SH3BGRL: variants seen among roughly 807,000 people sequenced by gnomAD.
SH3BGRL encodes the protein adapter SH3BGRL.
In SH3BGRL, 7 loss-of-function variants were observed where a neutral mutation model predicts 9.8. That is an observed-to-expected ratio of 0.72 (90% CI 0.41 to 1.35). The LOEUF is 1.35. Among genes scored for constraint, SH3BGRL ranks in the 40% most tolerant of loss-of-function variants. The pLI, the probability that SH3BGRL is intolerant of heterozygous loss-of-function variation, is 0.01. For synonymous variants in SH3BGRL, 36 were observed against 29.1 expected, an observed-to-expected ratio of 1.24 and a Z score of -0.76; for missense variants, 73 against 84.4, an observed-to-expected ratio of 0.86 and a Z score of 0.53.
chrX:81,222,204 G>A (rs1036986049), intron 1 of SH3BGRL, among the ~76,000 whole-genome samples: 2 of 110,620 alleles, frequency 1.8e-5, no homozygotes, highest in Non-Finnish European at 3.8e-5. Context: ...TAAGTTTTAG[G>A]GTACATGTGC....
At chrX:81,280,943 A>G (rs1275726263) in intron 3 of SH3BGRL, among the ~76,000 whole-genome samples, 1 of 111,495 alleles carries the variant, frequency 9.0e-6, no homozygotes, top group Non-Finnish European at 1.9e-5. Flanking sequence ...TAAAGGGAGA[A>G]ATATTCAATG....
At chrX:81,295,316 T>C (rs1448827321) in intron 3 of SH3BGRL, among the ~76,000 whole-genome samples, 1 of 111,700 alleles carries the variant, frequency 9.0e-6, no homozygotes, top group Non-Finnish European at 1.9e-5. Context: ...GGGAGATAAT[T>C]TGAATCATGA....
chrX:81,293,097 G>C (rs752325842), intron 3 of SH3BGRL, among the ~76,000 whole-genome samples: 1 of 111,654 alleles, frequency 9.0e-6, no homozygotes, highest in East Asian at 2.8e-4. Context: ...AATCATGGGG[G>C]CAGTTTCCCC....
chrX:81,251,335 C>CT (rs970812587), intron 1 of SH3BGRL, among the ~76,000 whole-genome samples: 9 of 108,637 alleles, frequency 8.3e-5, no homozygotes, highest in Non-Finnish European at 1.2e-4. Flanking sequence ...TAAAGCCACT[C>CT]TTTTTTTTTC....
In SH3BGRL at chrX:81,293,599, C is replaced by T. The variant is rs773523343; in HGVS notation, c.313-3596C>T. ...TTGGGAGGCTGAGGCAGGAGGATCACTTGAATCAGGGAGGTGGAGGTTGCA... is the reference window on the plus strand; with the variant it reads ...TTGGGAGGCTGAGGCAGGAGGATCATTTGAATCAGGGAGGTGGAGGTTGCA... On this transcript the variant is annotated intron_variant, in intron 3 of 3. Transcript: ENST00000373212. 2.0e-3 allele frequency among the ~76,000 whole-genome samples: 224 copies of T among 112,040 alleles called. 1 individual carries two copies. Among genetic ancestry groups the T allele is most frequent in the Non-Finnish European group, 3.1e-3 (164 of 53,230 alleles).
At chrX:81,290,375 A>G (rs941548116) in intron 3 of SH3BGRL, among the ~76,000 whole-genome samples, 1 of 112,271 alleles carries the variant, frequency 8.9e-6, no homozygotes, top group Admixed American at 9.5e-5. Context: ...GTATTTATAC[A>G]TAATAGAGTA....
intron 3 of SH3BGRL, among the ~76,000 whole-genome samples, chrX:81,280,464 TGA>T (rs1399148426): frequency 8.9e-6 from 1 of 111,770 alleles, no homozygotes; most frequent in African/African-American, 3.3e-5. Context: ...TATGCATGGC[TGA>T]GAGACCCATA....
intron 1 of SH3BGRL, among the ~76,000 whole-genome samples, chrX:81,208,831 G>A (rs1602591576): frequency 1.8e-5 from 2 of 111,134 alleles, no homozygotes; most frequent in African/African-American, 6.5e-5. Context: ...CCCAGGTCTT[G>A]CCTGTTGGTT....
At position 81,271,382 on chromosome X, in the gene SH3BGRL, A is replaced by C. The variant is rs139902684; in HGVS notation, c.46-5602A>C. ...GCTGTTCCTGTTTGGCCATCTTGGA[A>C]GTGATCTTCTTTTTCTTTTAGCAGG... On this transcript the variant is annotated intron_variant, in intron 1 of 3. Transcript: ENST00000373212. 7.7e-3 allele frequency among the ~76,000 whole-genome samples: 870 copies of C among 112,341 alleles called. 5 individuals carry two copies. The highest frequency in any genetic ancestry group is 0.013 in the Non-Finnish European group (687 of 53,304).
At chrX:81,222,626 T>G (rs1275586583) in intron 1 of SH3BGRL, among the ~76,000 whole-genome samples, 1 of 111,186 alleles carries the variant, frequency 9.0e-6, no homozygotes, top group Non-Finnish European at 1.9e-5. Context: ...AGTGCCGCAA[T>G]AAATATACAT....
intron 1 of SH3BGRL, among the ~76,000 whole-genome samples, chrX:81,209,002 G>GTTTTTTTTT (rs11322797): frequency 1.8e-4 from 10 of 54,615 alleles, no homozygotes; most frequent in African/African-American, 6.4e-4. Context: ...GCATAACTAA[G>GTTTTTTTTT]TTTTTTTTTT....
intron 1 of SH3BGRL, among the ~76,000 whole-genome samples, chrX:81,243,671 T>A (rs886837359): frequency 9.0e-6 from 1 of 110,837 alleles, no homozygotes; most frequent in African/African-American, 3.3e-5. Flanking sequence ...AAACATCTCA[T>A]GTCCCCCATA....
chrX:81,287,257 G>C (rs2075838062), intron 3 of SH3BGRL, among the ~76,000 whole-genome samples: 1 of 111,620 alleles, frequency 9.0e-6, no homozygotes, highest in Non-Finnish European at 1.9e-5. Flanking sequence ...AAGTGGAGAA[G>C]ATTTAAATAA....
intron 1 of SH3BGRL, among the ~76,000 whole-genome samples, chrX:81,252,784 AC>A (rs2075714748): frequency 8.9e-6 from 1 of 112,453 alleles, no homozygotes; most frequent in East Asian, 2.8e-4. Context: ...GGTTTTAGCC[AC>A]ATTTTTGGTA....
In SH3BGRL at chrX:81,297,222, G is replaced by A. The variant is rs1274375657; in HGVS notation, c.340G>A (p.Ala114Thr). ...AGCAGAAGTGCAAGCAAAGCAGCAAGCATGAACCTTAAGCACTGTGCTTTA... is the reference window on the plus strand; with the variant it reads ...AGCAGAAGTGCAAGCAAAGCAGCAAACATGAACCTTAAGCACTGTGCTTTA... ...KEAEVQAKQQ[A>T] Residue 114 changes from alanine (A) to threonine (T), a missense_variant, in exon 4 of 4, where the codon GCA (alanine) becomes ACA (threonine). By Grantham distance (58) the Ala-to-Thr change is moderately conservative. Transcript: ENST00000373212. 4 of 1,206,407 alleles carry A rather than the reference G, an allele frequency of 3.3e-6. No homozygotes were observed. The highest frequency in any genetic ancestry group is 4.5e-6 in the Non-Finnish European group (4 of 891,456).
At chrX:81,235,490 G>T (rs908673389) in intron 1 of SH3BGRL, among the ~76,000 whole-genome samples, 1 of 110,584 alleles carries the variant, frequency 9.0e-6, no homozygotes, top group African/African-American at 3.3e-5. Context: ...AAGGGAAAGA[G>T]AAATAGTGCC....
At chrX:81,269,623 G>A (rs1415630261) in intron 1 of SH3BGRL, among the ~76,000 whole-genome samples, 1 of 111,377 alleles carries the variant, frequency 9.0e-6, no homozygotes, top group East Asian at 2.8e-4. Flanking sequence ...TGGGTAACCC[G>A]ACCTTTCTCC....
intron 1 of SH3BGRL, among the ~76,000 whole-genome samples, chrX:81,262,637 G>C (rs1042826827): frequency 3.6e-5 from 4 of 111,792 alleles, no homozygotes; most frequent in African/African-American, 1.3e-4. Flanking sequence ...ATAGGCTGGA[G>C]TTTAGTTAGT....
At chrX:81,288,720 C>T (rs190194091) in intron 3 of SH3BGRL, among the ~76,000 whole-genome samples, 32 of 111,202 alleles carry the variant, frequency 2.9e-4, no homozygotes, top group African/African-American at 1.0e-3. Flanking sequence ...TAGGAATTAA[C>T]TTAACCAAAG....
Sources: allele counts gnomAD v4.1 joint callset (sites outside exome capture counted in the v4.1 genomes callset), GRCh38; gene constraint gnomAD v4.1.1; transcripts MANE v1.5; gene names NCBI Gene and HGNC (gene_info 2026-07-23, HGNC 2026-07-21).